Variants in CEP78 observed in about 807,000 individuals in gnomAD.
CEP78 encodes centrosomal protein 78.
CEP78 carries 76 observed loss-of-function variants against 81.2 expected under a neutral mutation model. That is an observed-to-expected ratio of 0.94 (90% CI 0.78 to 1.13). The LOEUF (loss-of-function observed/expected upper bound fraction) is 1.13. Among genes scored for constraint, CEP78 ranks in the 50% most tolerant of loss-of-function variants. The probability of loss-of-function intolerance (pLI) is 0.00; values close to 1 mark genes in which losing one functional copy is unlikely to be tolerated. For missense variants in CEP78, 918 were observed against 846.8 expected (o/e 1.08, Z -1.04); for synonymous variants, 293 against 301.4 (o/e 0.97, Z 0.29).
chr9:78,246,166 G>A (rs1826469544), intron 5 of CEP78, among the ~76,000 whole-genome samples: 1 of 151,910 alleles, frequency 6.6e-6, no homozygotes, highest in African/African-American at 2.4e-5. Context: ...CTATGAAGAG[G>A]GTTTCTTTTT....
At position 78,267,041 on chromosome 9, in the gene CEP78, A is replaced by C. The variant is rs1004350532; in HGVS notation, c.2107+338A>C. 11 of 1,192,540 alleles carry C rather than the reference A, an allele frequency of 9.2e-6. No homozygotes were observed. The African/African-American group carries it at 1.4e-4, about 15-fold the overall frequency. 73.9% of individuals were successfully genotyped at this position (1,192,540 alleles called of 1,614,324 possible). On this transcript the variant is annotated intron_variant, in intron 16 of 16. Coordinates refer to ENST00000643273, the MANE Select transcript of CEP78 (RefSeq NM_001330691.3). ...TTTGAAACTATGTTTTTACCTTTAA[A>C]TTTTAATAAATTTTCTTATGTTTTT... is the stretch of plus-strand genomic sequence containing the variant.
At chr9:78,253,119 T>C (rs1197579173) in intron 9 of CEP78, 113 bp from the exon 10 acceptor site, 4 of 641,028 alleles carry the variant, frequency 6.2e-6, no homozygotes, top group Non-Finnish European at 1.1e-5. Context: ...GATTTATCTC[T>C]ATGCACAGTT....
In CEP78 at chr9:78,236,179, T is replaced by G. The variant is rs1055085900; in HGVS notation, c.-172T>G. 1.6e-6 allele frequency: 1 copy of G among 613,464 alleles called. No individual in the cohort carries two copies. Among genetic ancestry groups the G allele is most frequent in the Non-Finnish European group, 2.7e-6 (1 of 364,382 alleles). The allele number at this position is 613,464 out of a possible 1,614,324, so 38.0% of individuals were successfully genotyped here. ...TGGGGCGTTGAGGGGCCGGCCTAGCTTGGGGCTCTGGCCTTGCGTCTTCCG... is the reference window on the plus strand; with the variant it reads ...TGGGGCGTTGAGGGGCCGGCCTAGCGTGGGGCTCTGGCCTTGCGTCTTCCG... On this transcript the variant is annotated 5_prime_UTR_variant, in exon 1 of 17. Coordinates refer to ENST00000643273, the MANE Select transcript of CEP78 (RefSeq NM_001330691.3).
intron 8 of CEP78, chr9:78,250,076 AT>A: frequency 7.7e-6 from 3 of 387,534 alleles, no homozygotes; most frequent in Non-Finnish European, 1.4e-5. Flanking sequence ...AAATTCTATA[AT>A]TTTAGTAGCT....
At position 78,277,048 on chromosome 9, in the gene CEP78, A is replaced by G. The variant is rs1827818771; in HGVS notation, c.*6197A>G. On this transcript the variant is annotated 3_prime_UTR_variant, in exon 17 of 17. Coordinates refer to ENST00000643273, the MANE Select transcript of CEP78 (RefSeq NM_001330691.3). ...CCTAGGAACAGAGCAATGTATATAT[A>G]TATGTATTTAAAAAATGGCATCACA... is the stretch of plus-strand genomic sequence containing the variant. 6.6e-6 allele frequency: 1 copy of G among 152,168 alleles called. No homozygotes were observed. Among genetic ancestry groups the G allele is most frequent in the Non-Finnish European group, 1.5e-5 (1 of 68,006 alleles). The allele number at this position is 152,168 out of a possible 1,614,324, so 9.4% of individuals were successfully genotyped here. A position where few individuals can be genotyped will look rare whatever the true frequency, so the allele number is the denominator to read the frequency against.
At chr9:78,236,890 T>C (rs899464512) in intron 1 of CEP78, among the ~76,000 whole-genome samples, 12 of 151,548 alleles carry the variant, frequency 7.9e-5, no homozygotes, top group Non-Finnish European at 1.8e-4. Context: ...TTGACAGATG[T>C]TACCTATTTT....
rs750819314 is a variant in CEP78, at chr9:78,243,473, G to T, written c.615G>T (p.Met205Ile). The change falls in exon 5 of 17, where the codon ATG (methionine) becomes ATT (isoleucine). Residue 205 changes from methionine (M) to isoleucine (I), a missense_variant. Coordinates refer to ENST00000643273, the MANE Select transcript of CEP78 (RefSeq NM_001330691.3). ...HMAKILKYQT[M>I]RRHEETWAES... ...TTAAATCTTTGAAGTATCAGACCATGAGAAGGCATGAAGAAACCTGGGCTG... is the reference window on the plus strand; with the variant it reads ...TTAAATCTTTGAAGTATCAGACCATTAGAAGGCATGAAGAAACCTGGGCTG... The T allele has an allele frequency of 3.7e-6, 6 of 1,612,728 alleles. No homozygotes were observed. In the South Asian group the frequency reaches 6.6e-5, roughly 18 times the overall value.
chr9:78,250,865 G>T (rs183881578), intron 8 of CEP78, among the ~76,000 whole-genome samples: 3 of 152,010 alleles, frequency 2.0e-5, no homozygotes, highest in Non-Finnish European at 4.4e-5. Flanking sequence ...TTTATAAGAC[G>T]TGTATAAATT....
rs1047702627 is a variant in CEP78 at position 78,264,394 on chromosome 9, A to G, written c.1625+78A>G. ...TTGCTGAGGAACTTGAGCAATTTTT[A>G]TAGCTTTCTGAAGTCATATTTACTG... On this transcript the variant is annotated intron_variant, in intron 13 of 16. Coordinates refer to ENST00000643273, the MANE Select transcript of CEP78 (RefSeq NM_001330691.3). 3 of 1,196,794 alleles carry G rather than the reference A, an allele frequency of 2.5e-6. No individual in the cohort carries two copies. In the African/African-American group the frequency reaches 4.6e-5, roughly 18 times the overall value. 74.1% of individuals were successfully genotyped at this position (1,196,794 alleles called of 1,614,324 possible).
intron 1 of CEP78, among the ~76,000 whole-genome samples, chr9:78,239,308 A>G (rs141420096): frequency 2.6e-3 from 390 of 152,198 alleles, no homozygotes; most frequent in African/African-American, 9.1e-3. Flanking sequence ...TCATCTGCCT[A>G]CTTTGGTTCA....
In CEP78 at chr9:78,276,263, G is replaced by A. The variant is rs1231644002; in HGVS notation, c.*5412G>A. 6.6e-6 allele frequency: 1 copy of A among 152,142 alleles called. No homozygotes were observed. Among genetic ancestry groups the A allele is most frequent in the Non-Finnish European group, 1.5e-5 (1 of 68,012 alleles). 9.4% of individuals were successfully genotyped at this position (152,142 alleles called of 1,614,324 possible). A position where few individuals can be genotyped will look rare whatever the true frequency, so the allele number is the denominator to read the frequency against. ...CTCACTAAATTAACAGATTAAAGAA[G>A]TATAGTCATCTTCACAAGCTGAAAG... On this transcript the variant is annotated 3_prime_UTR_variant, in exon 17 of 17. Transcript: ENST00000643273.
chr9:78,249,228 T>C (rs1396195817), intron 8 of CEP78: 4 of 152,914 alleles, frequency 2.6e-5, no homozygotes, highest in Admixed American at 6.5e-5. Context: ...TATGATTTTG[T>C]TGTTAATGAA....
intron 3 of CEP78, among the ~76,000 whole-genome samples, 180 bp downstream of exon 3, chr9:78,240,544 T>A (rs2118121890): frequency 6.6e-6 from 1 of 152,354 alleles, no homozygotes; most frequent in African/African-American, 2.4e-5. Context: ...CTGAACTAAC[T>A]TTACTTAAGT....
At chr9:78,269,416 T>A (rs1329659757) in intron 16 of CEP78, among the ~76,000 whole-genome samples, 1 of 152,198 alleles carries the variant, frequency 6.6e-6, no homozygotes, top group East Asian at 1.9e-4. Flanking sequence ...GATGTACATA[T>A]GAAGACATGG....
rs1349004668 is a variant in CEP78, at chr9:78,266,674, G to A, written c.2078G>A (p.Arg693Lys). Residue 693 changes from arginine to lysine, a missense_variant, in exon 16 of 17, where the codon AGA (arginine) becomes AAA (lysine). Physicochemically the swap from Arg to Lys is conservative, Grantham distance 26 (BLOSUM62 2). Transcript: ENST00000643273. ...RKEEELSRNS[R>K]SSSEKKTKTE... ...GAAGAGGAGTTGTCCAGAAATAGCA[G>A]ATCTTCTTCAGAGAAAAAGACCAAA... The A allele has an allele frequency of 5.6e-6, 9 of 1,612,114 alleles. No individual in the cohort carries two copies. Among genetic ancestry groups the A allele is most frequent in the Non-Finnish European group, 7.6e-6 (9 of 1,179,032 alleles).
rs1436386344 is a variant in CEP78, at chr9:78,236,468, G to A, written c.118G>A (p.Glu40Lys). Residue 40 changes from glutamate (E) to lysine (K), a missense_variant, in exon 1 of 17, where the codon GAG (glutamate) becomes AAG (lysine). Glu to Lys is a moderately conservative substitution (Grantham distance 56). Transcript: ENST00000643273. ...PLPAVRACLR[E>K]GVLDFNADRL... ...GCCCGCCGTGCGCGCCTGTCTCCGG[G>A]AGGGCGTGCTGGATTTCAACGCCGA... is the stretch of plus-strand genomic sequence containing the variant. The A allele has an allele frequency of 6.2e-7, 1 of 1,606,652 alleles. No individual in the cohort carries two copies. Among genetic ancestry groups the A allele is most frequent in the Non-Finnish European group, 8.5e-7 (1 of 1,176,828 alleles).
intron 1 of CEP78, among the ~76,000 whole-genome samples, chr9:78,237,937 C>G (rs947887621): frequency 7.7e-6 from 1 of 129,772 alleles, no homozygotes; most frequent in African/African-American, 3.0e-5. Flanking sequence ...TGGTGAAACC[C>G]CATCTGTACT....
chr9:78,241,442 G>C (rs1434851208), intron 3 of CEP78, among the ~76,000 whole-genome samples: 1 of 152,130 alleles, frequency 6.6e-6, no homozygotes, highest in Non-Finnish European at 1.5e-5. Context: ...CTGTGGTCTG[G>C]AGTAAGGTTG....
chr9:78,268,072 T>G (rs938320718), intron 16 of CEP78, among the ~76,000 whole-genome samples: 1 of 152,028 alleles, frequency 6.6e-6, no homozygotes, highest in Non-Finnish European at 1.5e-5. Flanking sequence ...ATACCGTATA[T>G]TACATTCTAT....
Sources: allele counts gnomAD v4.1 joint callset (sites outside exome capture counted in the v4.1 genomes callset), GRCh38; gene constraint gnomAD v4.1.1; transcripts MANE v1.5; gene names NCBI Gene and HGNC (gene_info 2026-07-23, HGNC 2026-07-21).